The following PRRC1 variants were observed in gnomAD, a reference collection of about 807,000 sequenced individuals.
PRRC1 encodes proline rich coiled-coil 1.
In PRRC1, 39 loss-of-function variants were observed where a neutral mutation model predicts 40.7. The ratio of observed to expected loss-of-function variants is 0.96; its 90% CI spans 0.74 to 1.25. The LOEUF is 1.25. Among genes scored for constraint, PRRC1 ranks in the 50% most tolerant of loss-of-function variants. The pLI is 0.00. For synonymous variants in PRRC1, 175 were observed against 193.3 expected (o/e 0.91, Z 0.79); for missense variants, 573 against 548.3 (o/e 1.05, Z -0.45).
chr5:127,522,464 C>T (rs1489556153), intron 1 of PRRC1, among the ~76,000 whole-genome samples: 1 of 152,144 alleles, frequency 6.6e-6, no homozygotes, highest in Non-Finnish European at 1.5e-5. Context: ...TCTCACTGCT[C>T]CCTGCAGCCT....
intron 5 of PRRC1, among the ~76,000 whole-genome samples, chr5:127,531,657 C>T (rs1767776430): frequency 8.6e-6 from 1 of 115,680 alleles, no homozygotes; most frequent in African/African-American, 3.8e-5. Context: ...GAGTCTCACT[C>T]TGTCACTCAG....
intron 6 of PRRC1, among the ~76,000 whole-genome samples, chr5:127,534,959 C>T (rs1239474745): frequency 6.6e-6 from 1 of 152,146 alleles, no homozygotes; most frequent in Non-Finnish European, 1.5e-5. Flanking sequence ...CTCTCATTAC[C>T]CACTTCTAAT....
chr5:127,547,360 A>C (rs920111778), intron 7 of PRRC1, among the ~76,000 whole-genome samples: 4 of 152,030 alleles, frequency 2.6e-5, no homozygotes, highest in Non-Finnish European at 4.4e-5. Flanking sequence ...AGTATTTGTT[A>C]TTATTTCCTC....
At chr5:127,544,335 G>A (rs1369400596) in intron 7 of PRRC1, among the ~76,000 whole-genome samples, 2 of 152,200 alleles carry the variant, frequency 1.3e-5, no homozygotes, top group African/African-American at 4.8e-5. Context: ...GGGGTCAGGG[G>A]CCCACTTGAG....
At chr5:127,525,826 A>C (rs76099047) in intron 3 of PRRC1, among the ~76,000 whole-genome samples, 2,969 of 152,256 alleles carry the variant, frequency 0.02, 103 homozygotes, top group African/African-American at 0.068. Flanking sequence ...TTGTCCTAAT[A>C]TTTGTGCATT....
intron 1 of PRRC1, among the ~76,000 whole-genome samples, chr5:127,522,970 T>A (rs1026241567): frequency 9.9e-5 from 15 of 151,804 alleles, no homozygotes; most frequent in Non-Finnish European, 2.2e-4. Context: ...TGACTGAAAT[T>A]TATATTATTT....
Position 127,524,918 on chromosome 5 carries a change from C to G in PRRC1, c.491C>G (p.Thr164Arg), listed in dbSNP as rs1767578432. 3.2e-6 allele frequency: 5 copies of G among 1,580,060 alleles called. No individual in the cohort carries two copies. The highest frequency in any genetic ancestry group is 3.4e-6 in the Non-Finnish European group (4 of 1,163,474). ...LMPSFSAPSG[T>R]GLLPTPITQQ... is the part of the protein sequence containing the mutation. ...CCATCATTTTCTGCACCTTCAGGAA[C>G]AGGTAATTCTTTCTGATACTTTGAA... is the stretch of plus-strand genomic sequence containing the variant. The change falls in exon 3 of 9, where the codon ACA becomes AGA. Residue 164 changes from threonine (T) to arginine (R), a missense_variant and splice_region_variant. By Grantham distance (71) the Thr-to-Arg change is moderately conservative. Transcript: ENST00000296666.
chr5:127,538,163 AGT>A (rs1767946739), intron 6 of PRRC1, among the ~76,000 whole-genome samples: 3 of 152,020 alleles, frequency 2.0e-5, no homozygotes, highest in African/African-American at 7.2e-5. Flanking sequence ...GTTCTCGCAC[AGT>A]TGTCACTTTC....
chr5:127,552,644 G>T lies in PRRC1; in HGVS notation c.*728G>T. The T allele has an allele frequency of 3.1e-6, 3 of 977,840 alleles. No individual in the cohort carries two copies. The highest frequency in any genetic ancestry group is 3.6e-6 in the Non-Finnish European group (3 of 822,674). The allele number at this position is 977,840 out of a possible 1,614,324, so 60.6% of individuals were successfully genotyped here. On this transcript the variant is annotated 3_prime_UTR_variant, in exon 9 of 9. Transcript: ENST00000296666. ...GCTATATGACAGCTAAGGGGCAAAT[G>T]ATTCAAGTATATTTTAAATCAGAAG...
intron 5 of PRRC1, among the ~76,000 whole-genome samples, chr5:127,533,387 TATGTA>T (rs1213997986): frequency 6.6e-6 from 1 of 152,150 alleles, no homozygotes; most frequent in Admixed American, 6.5e-5. Context: ...TGGCTTGTGA[TATGTA>T]ATGTCAGTTT....
intron 8 of PRRC1, 111 bp from the exon 9 acceptor site, chr5:127,551,596 G>A (rs1365956024): frequency 7.0e-6 from 8 of 1,144,458 alleles, no homozygotes; most frequent in South Asian, 3.1e-5. Context: ...CTCAGAGTTT[G>A]TCATAATCTA....
At chr5:127,532,114 G>GT (rs1395392435) in intron 5 of PRRC1, among the ~76,000 whole-genome samples, 2 of 146,384 alleles carry the variant, frequency 1.4e-5, no homozygotes, top group African/African-American at 5.0e-5. Context: ...TTTTTTTTTT[G>GT]TTGTTTTTTT....
intron 8 of PRRC1, 59 bp downstream of exon 8, chr5:127,547,980 A>C (rs1489689975): frequency 1.8e-6 from 2 of 1,114,418 alleles, no homozygotes; most frequent in Admixed American, 3.4e-5. Flanking sequence ...TATTGTTTTC[A>C]GAATAAAAAT....
chr5:127,527,130 G>A (rs557498323), intron 4 of PRRC1, among the ~76,000 whole-genome samples: 69 of 151,780 alleles, frequency 4.5e-4, no homozygotes, highest in African/African-American at 1.5e-3. Flanking sequence ...TTTATTTCCC[G>A]TGTTTTATTT....
At chr5:127,539,275 T>G in intron 7 of PRRC1, 132 bp downstream of exon 7, 1 of 624,870 alleles carries the variant, frequency 1.6e-6, no homozygotes, top group Non-Finnish European at 2.8e-6. Flanking sequence ...CTATATCACT[T>G]AACTAGCTGT....
At chr5:127,521,964 T>C (rs749734081) in intron 1 of PRRC1, among the ~76,000 whole-genome samples, 3 of 152,196 alleles carry the variant, frequency 2.0e-5, no homozygotes, top group Non-Finnish European at 4.4e-5. Context: ...GTTCTTACCC[T>C]CAGAGCACAT....
At chr5:127,543,489 C>G (rs1768113285) in intron 7 of PRRC1, among the ~76,000 whole-genome samples, 1 of 152,188 alleles carries the variant, frequency 6.6e-6, no homozygotes, top group South Asian at 2.1e-4. Flanking sequence ...GTTCCATTCT[C>G]CCCGTCGCTT....
chr5:127,523,599 A>C lies in PRRC1; in HGVS notation c.103+17A>C, dbSNP rs781748387. 7.4e-6 allele frequency: 11 copies of C among 1,496,002 alleles called. No homozygotes were observed. The African/African-American group carries it at 1.3e-4, about 17-fold the overall frequency. 92.7% of individuals were successfully genotyped at this position (1,496,002 alleles called of 1,614,324 possible). On this transcript the variant is annotated intron_variant, in intron 2 of 8. Coordinates refer to ENST00000296666, the MANE Select transcript of PRRC1 (RefSeq NM_130809.5). Reference sequence around the variant, plus strand: ...TTCCATTAGGTACATGTAGTTGTCTAACATCTCGTGTGTTTTGAGAATAGT... The same window carrying C: ...TTCCATTAGGTACATGTAGTTGTCTCACATCTCGTGTGTTTTGAGAATAGT...
In PRRC1 at chr5:127,554,106, CTCA is replaced by C; in HGVS notation, c.*2196_*2198del. ...GTTGTAAAAGGGGCAAGAAAAGTAA[CTCA>C]TCATCTCTAACACACCATGGCAGCT... is the stretch of plus-strand genomic sequence containing the variant. On this transcript the variant is annotated 3_prime_UTR_variant, in exon 9 of 9. Transcript: ENST00000296666. 2.0e-6 allele frequency: 1 copy of C among 496,798 alleles called. No individual in the cohort carries two copies. Among genetic ancestry groups the C allele is most frequent in the Non-Finnish European group, 3.5e-6 (1 of 284,168 alleles). The allele number at this position is 496,798 out of a possible 1,614,324, so 30.8% of individuals were successfully genotyped here.
Sources: gnomAD v4.1 joint callset for allele counts (sites outside exome capture counted in the v4.1 genomes callset) on GRCh38, gnomAD v4.1.1 for gene constraint, MANE v1.5 for transcripts, NCBI Gene and HGNC (gene_info 2026-07-23, HGNC 2026-07-21) for gene names.